The following CDK14 variants were observed in gnomAD, a reference collection of about 807,000 sequenced individuals.
CDK14 encodes the protein cyclin-dependent kinase 14.
CDK14 carries 34 observed loss-of-function variants against 60.7 expected under a neutral mutation model. The ratio of observed to expected loss-of-function variants is 0.56; its 90% CI spans 0.43 to 0.75. CDK14 has a LOEUF of 0.75. CDK14 is among the 30% of genes least tolerant of loss of function. The probability of loss-of-function intolerance (pLI) is 0.00; values close to 1 mark genes in which losing one functional copy is unlikely to be tolerated. For synonymous variants in CDK14, 197 were observed against 203.7 expected, an observed-to-expected ratio of 0.97 and a Z score of 0.28; for missense variants, 482 against 564.1, an observed-to-expected ratio of 0.85 and a Z score of 1.47.
intron 2 of CDK14, among the ~76,000 whole-genome samples, chr7:90,655,367 A>G (rs900255395): frequency 2.6e-5 from 4 of 152,120 alleles, no homozygotes; most frequent in African/African-American, 4.8e-5. Context: ...GTGTCCCAGG[A>G]TTTAAGATGC....
At chr7:90,804,742 C>T (rs1314651598) in intron 5 of CDK14, among the ~76,000 whole-genome samples, 2 of 152,000 alleles carry the variant, frequency 1.3e-5, no homozygotes, top group Admixed American at 1.3e-4. Flanking sequence ...GAATTCCTGG[C>T]TGTTTTAAAT....
chr7:90,658,158 C>G (rs887284307), intron 2 of CDK14, among the ~76,000 whole-genome samples: 1 of 152,218 alleles, frequency 6.6e-6, no homozygotes, highest in Admixed American at 6.5e-5. Flanking sequence ...AAAGATTTCT[C>G]TATTCCAGAG....
intron 5 of CDK14, among the ~76,000 whole-genome samples, chr7:90,858,877 A>G (rs578054913): frequency 2.0e-5 from 3 of 152,342 alleles, no homozygotes; most frequent in Non-Finnish European, 2.9e-5. Context: ...TGAAAGAAAG[A>G]AGATTGTAAA....
chr7:90,801,008 G>A (rs1045425210), intron 5 of CDK14, among the ~76,000 whole-genome samples: 2 of 152,140 alleles, frequency 1.3e-5, no homozygotes, highest in Non-Finnish European at 2.9e-5. Context: ...TAGAGCCCAC[G>A]CTAATCCAGC....
At chr7:91,132,447 G>A (rs1374015051) in intron 14 of CDK14, among the ~76,000 whole-genome samples, 1 of 152,120 alleles carries the variant, frequency 6.6e-6, no homozygotes, top group Non-Finnish European at 1.5e-5. Context: ...TGAGGGTCTT[G>A]AATGACATGC....
intron 9 of CDK14, among the ~76,000 whole-genome samples, chr7:90,981,632 AATT>A (rs1658280336): frequency 6.6e-6 from 1 of 152,186 alleles, no homozygotes; most frequent in South Asian, 2.1e-4. Flanking sequence ...TTATGAAGTA[AATT>A]AAAGACACAA....
At chr7:91,044,143 G>A (rs1584260456) in intron 10 of CDK14, among the ~76,000 whole-genome samples, 2 of 151,716 alleles carry the variant, frequency 1.3e-5, no homozygotes, top group Non-Finnish European at 3.0e-5. Flanking sequence ...AGGTTGTCAG[G>A]CTGCAGCTGG....
chr7:90,682,451 C>T (rs945441107), intron 2 of CDK14, among the ~76,000 whole-genome samples: 1 of 152,128 alleles, frequency 6.6e-6, no homozygotes, highest in African/African-American at 2.4e-5. Context: ...GATAGGTAGA[C>T]ATATAGTCTC....
chr7:90,750,191 CA>C (rs1562752162), intron 4 of CDK14, among the ~76,000 whole-genome samples: 7 of 93,680 alleles, frequency 7.5e-5, no homozygotes, highest in South Asian at 7.7e-4. Flanking sequence ...CACACACACA[CA>C]CACACACACC....
At chr7:91,151,414 A>G (rs952746766) in intron 14 of CDK14, among the ~76,000 whole-genome samples, 3 of 152,230 alleles carry the variant, frequency 2.0e-5, no homozygotes, top group Admixed American at 6.5e-5. Context: ...CATGCAAAAC[A>G]TAATTTCACC....
At chr7:90,900,131 T>C (rs1419886253) in intron 7 of CDK14, among the ~76,000 whole-genome samples, 1 of 152,192 alleles carries the variant, frequency 6.6e-6, no homozygotes, top group African/African-American at 2.4e-5. Flanking sequence ...CTTTATACCA[T>C]AGTCGAATCA....
intron 9 of CDK14, among the ~76,000 whole-genome samples, chr7:90,963,966 G>A (rs536590017): frequency 9.9e-5 from 15 of 151,962 alleles, no homozygotes; most frequent in Admixed American, 3.3e-4. Context: ...CACCTGCCTC[G>A]GTCTCCCAAA....
rs1277755061 is a variant in CDK14, at chr7:90,917,622, C to T, written c.724C>T (p.Arg242Ter). The T allele has an allele frequency of 2.5e-6, 4 of 1,612,472 alleles. No homozygotes were observed. The highest frequency in any genetic ancestry group is 3.4e-6 in the Non-Finnish European group (4 of 1,178,846). The change falls in exon 8 of 15, where the codon CGA becomes TGA. Residue 242 changes from arginine (R) to a stop codon, truncating the protein, a stop_gained. Coordinates refer to ENST00000380050, the MANE Select transcript of CDK14 (RefSeq NM_001287135.2). LOFTEE classifies it high-confidence loss of function. ...TCAGTTGTTTTTATTTCAGTTGCTG[C>T]GAGGTCTGTCTTACATCCACCAGCG... Reference protein sequence around the residue: ...NVKLFLFQLLRGLSYIHQRYI... With the variant: ...NVKLFLFQLL
At chr7:90,801,753 G>T (rs1271974460) in intron 5 of CDK14, among the ~76,000 whole-genome samples, 2 of 152,078 alleles carry the variant, frequency 1.3e-5, no homozygotes, top group African/African-American at 4.8e-5. Flanking sequence ...AGATTCCTGG[G>T]CTGTCCCATA....
At chr7:91,122,540 C>CCGCCA (rs1799811566) in intron 14 of CDK14, among the ~76,000 whole-genome samples, 1 of 152,156 alleles carries the variant, frequency 6.6e-6, no homozygotes, top group African/African-American at 2.4e-5. Context: ...GCCATCTCAA[C>CCGCCA]TCTGGAAACT....
intron 2 of CDK14, among the ~76,000 whole-genome samples, chr7:90,681,582 GTAA>G (rs1407219090): frequency 6.6e-6 from 1 of 152,114 alleles, no homozygotes; most frequent in Non-Finnish European, 1.5e-5. Context: ...ACTTGTGTTT[GTAA>G]TAATATAACA....
intron 2 of CDK14, among the ~76,000 whole-genome samples, chr7:90,654,907 A>T (rs1480367980): frequency 6.6e-6 from 1 of 152,146 alleles, no homozygotes; most frequent in Non-Finnish European, 1.5e-5. Context: ...CAAATGAATG[A>T]CATGTATTTA....
At chr7:90,993,721 T>G (rs932675384) in intron 10 of CDK14, among the ~76,000 whole-genome samples, 1 of 152,234 alleles carries the variant, frequency 6.6e-6, no homozygotes, top group Non-Finnish European at 1.5e-5. Context: ...GCAACTGATA[T>G]GATAGGAAAT....
At chr7:90,988,539 C>G (rs1400685447) in intron 10 of CDK14, among the ~76,000 whole-genome samples, 6 of 152,028 alleles carry the variant, frequency 3.9e-5, no homozygotes, top group East Asian at 1.9e-4. Flanking sequence ...ATGCATTCAT[C>G]CAGGTGAATA....
Sources: gnomAD v4.1 joint callset for allele counts (sites outside exome capture counted in the v4.1 genomes callset) on GRCh38, gnomAD v4.1.1 for gene constraint, MANE v1.5 for transcripts, NCBI Gene and HGNC (gene_info 2026-07-23, HGNC 2026-07-21) for gene names.